Variants in GSE1 observed in about 807,000 individuals in gnomAD.
GSE1 encodes Gse1 coiled-coil protein.
A neutral mutation model predicts 112.6 loss-of-function variants in GSE1; 32 were observed. The ratio of observed to expected loss-of-function variants is 0.28; its 90% CI spans 0.21 to 0.38. The LOEUF (loss-of-function observed/expected upper bound fraction) is 0.38. GSE1 is among the 10% of genes least tolerant of loss of function. GSE1 has a pLI of 1.00. For synonymous variants in GSE1, 1,115 were observed against 735.6 expected (o/e 1.52, Z -8.35); for missense variants, 2,348 against 1,699.2 (o/e 1.38, Z -6.71).
chr16:85,634,669 G>A (rs528021563), intron 2 of GSE1, among the ~76,000 whole-genome samples: 11 of 152,330 alleles, frequency 7.2e-5, no homozygotes, highest in Admixed American at 1.3e-4. Flanking sequence ...AGCGGCCCCC[G>A]GGGTCTGGAG....
chr16:85,226,242 T>A (rs1045747914), intron 1 of GSE1, among the ~76,000 whole-genome samples: 4 of 152,176 alleles, frequency 2.6e-5, no homozygotes, highest in Admixed American at 6.5e-5. Flanking sequence ...CTGGATGAAA[T>A]GGGGTAACAC....
At chr16:85,170,009 G>T in exon 1 of GSE1, 2 of 984,426 alleles carry the variant, frequency 2.0e-6, no homozygotes, top group Non-Finnish European at 2.4e-6. Context: ...CCCCGGCTGC[G>T]CGGGGCCGCG....
In GSE1 at chr16:85,340,190, A is replaced by G. The variant is rs565874635; in HGVS notation, c.2284-17273A>G. Among the ~76,000 whole-genome samples the G allele has an allele frequency of 7.2e-5, 11 of 152,330 alleles. No homozygotes were observed. The South Asian group carries it at 2.3e-3, about 32-fold the overall frequency. ...CAGTGAGACCCCATCTATACAAAAT[A>G]TAGAAAAAAATTAGCCGGGTGTGGT... is the stretch of plus-strand genomic sequence containing the variant. On this transcript the variant is annotated intron_variant, in intron 1 of 2. Coordinates refer to the GSE1 transcript ENST00000637419.
At chr16:85,659,421 GGCTGAGATGGGATGATC>G in intron 8 of GSE1, 1 of 152,442 alleles carries the variant, frequency 6.6e-6, no homozygotes, top group South Asian at 2.1e-4. Flanking sequence ...CTACTCTGGA[GGCTGAGATGGGATGATC>G]GCTTGAGCCC....
chr16:85,192,329 A>G (rs1408990391), intron 1 of GSE1, among the ~76,000 whole-genome samples: 6 of 152,230 alleles, frequency 3.9e-5, no homozygotes, highest in Admixed American at 6.5e-5. Flanking sequence ...TTTCTGTGCT[A>G]TAATTTCCCC....
intron 1 of GSE1, among the ~76,000 whole-genome samples, chr16:85,342,688 A>G (rs1276690312): frequency 2.0e-5 from 3 of 152,108 alleles, no homozygotes; most frequent in Non-Finnish European, 4.4e-5. Context: ...TCTGTTAAAC[A>G]TCTCTGAGCC....
chr16:85,247,527 G>C (rs1176407128), intron 1 of GSE1, among the ~76,000 whole-genome samples: 3 of 152,218 alleles, frequency 2.0e-5, no homozygotes, highest in African/African-American at 4.8e-5. Context: ...CCTCAGAGGA[G>C]GCCTGGACCT....
upstream of GSE1, chr16:85,555,080 A>T: frequency 1.0e-6 from 1 of 985,298 alleles, no homozygotes; most frequent in African/African-American, 1.7e-5. Context: ...GAGCTGTTGG[A>T]AGATGCCGCG....
intron 1 of GSE1, among the ~76,000 whole-genome samples, chr16:85,173,281 G>A (rs1487540000): frequency 6.6e-6 from 1 of 152,206 alleles, no homozygotes; most frequent in East Asian, 1.9e-4. Flanking sequence ...TCAGTCAGTA[G>A]GTATCTGAGG....
chr16:85,180,921 T>A (rs1374681849), intron 1 of GSE1, among the ~76,000 whole-genome samples: 1 of 152,268 alleles, frequency 6.6e-6, no homozygotes, highest in Non-Finnish European at 1.5e-5. Flanking sequence ...GTCCTGATTT[T>A]CTTCTTTAAA....
At chr16:85,513,442 G>GA (rs1303153297) in intron 2 of GSE1, among the ~76,000 whole-genome samples, 2 of 152,076 alleles carry the variant, frequency 1.3e-5, no homozygotes, top group Admixed American at 6.5e-5. Context: ...ACAGTGCCTA[G>GA]AAGCACTAGC....
chr16:85,218,404 G>C (rs2075338887), intron 1 of GSE1, among the ~76,000 whole-genome samples: 1 of 152,166 alleles, frequency 6.6e-6, no homozygotes, highest in South Asian at 2.1e-4. Context: ...CAGCTCCTAA[G>C]ATTCTTTGAA....
chr16:85,626,405 C>T (rs984046093), intron 1 of GSE1, among the ~76,000 whole-genome samples: 9 of 152,258 alleles, frequency 5.9e-5, no homozygotes, highest in South Asian at 2.1e-4. Context: ...ACGGAAGCTT[C>T]GCCCCTTTGG....
At chr16:85,428,602 T>C (rs1174722254) in intron 2 of GSE1, among the ~76,000 whole-genome samples, 1 of 152,056 alleles carries the variant, frequency 6.6e-6, no homozygotes, top group East Asian at 1.9e-4. Flanking sequence ...GTTTCTGGAG[T>C]GGGCAGGTGA....
chr16:85,587,653 T>C (rs2046771633), intron 1 of GSE1, among the ~76,000 whole-genome samples: 1 of 151,982 alleles, frequency 6.6e-6, no homozygotes, highest in Non-Finnish European at 1.5e-5. Context: ...GGAGTATGGG[T>C]TGCAAGGATC....
chr16:85,382,920 G>A (rs2047586156), intron 2 of GSE1, among the ~76,000 whole-genome samples: 1 of 149,528 alleles, frequency 6.7e-6, no homozygotes, highest in Non-Finnish European at 1.5e-5. Context: ...ACACATACAT[G>A]CACACACGCG....
chr16:85,247,978 C>T (rs776057282), intron 1 of GSE1, among the ~76,000 whole-genome samples: 1 of 152,234 alleles, frequency 6.6e-6, no homozygotes, highest in Non-Finnish European at 1.5e-5. Context: ...ACAAATTGCC[C>T]AGTGCTGTTG....
intron 1 of GSE1, chr16:85,579,927 G>T: frequency 6.6e-6 from 1 of 152,366 alleles, no homozygotes. Context: ...TGAGGAACCA[G>T]GGCTAAACTG....
intron 2 of GSE1, among the ~76,000 whole-genome samples, chr16:85,441,756 G>C (rs184212432): frequency 2.6e-5 from 4 of 152,322 alleles, no homozygotes; most frequent in African/African-American, 9.6e-5. Context: ...AAGGATCAGA[G>C]AAAGACACCA....
Sources: gnomAD v4.1 joint callset for allele counts (sites outside exome capture counted in the v4.1 genomes callset) on GRCh38, gnomAD v4.1.1 for gene constraint, MANE v1.5 for transcripts, NCBI Gene and HGNC (gene_info 2026-07-23, HGNC 2026-07-21) for gene names.